The following CIBAR1 variants were observed in gnomAD, a reference collection of about 807,000 sequenced individuals.
CIBAR1 encodes CBY1-interacting BAR domain-containing protein 1.
In CIBAR1, 25 loss-of-function variants were observed where a neutral mutation model predicts 44.0. The ratio of observed to expected loss-of-function variants is 0.57; its 90% CI spans 0.41 to 0.79. CIBAR1 has a LOEUF of 0.79. Among genes scored for constraint, CIBAR1 ranks in the 30% least tolerant of loss-of-function variants. The probability of loss-of-function intolerance (pLI) is 0.00; values close to 1 mark genes in which losing one functional copy is unlikely to be tolerated. For synonymous variants in CIBAR1, 115 were observed against 119.0 expected, an observed-to-expected ratio of 0.97 and a Z score of 0.22; for missense variants, 278 against 344.8, an observed-to-expected ratio of 0.81 and a Z score of 1.53.
In CIBAR1 at chr8:93,730,881, G is replaced by C. The variant is rs989082297; in HGVS notation, c.*2584G>C. On this transcript the variant is annotated 3_prime_UTR_variant, in exon 9 of 9. Coordinates refer to ENST00000518322, the MANE Select transcript of CIBAR1 (RefSeq NM_145269.5). Reference sequence around the variant, plus strand: ...AATTTAAAAATCAAAATACAAGGCTGGGCACAGTGGCTCACACCTGTAATC... The same window carrying C: ...AATTTAAAAATCAAAATACAAGGCTCGGCACAGTGGCTCACACCTGTAATC... The C allele has an allele frequency of 2.6e-5, 4 of 152,158 alleles. No homozygotes were observed. Among genetic ancestry groups the C allele is most frequent in the Admixed American group, 2.0e-4 (3 of 15,268 alleles). The allele number at this position is 152,158 out of a possible 1,614,324, so 9.4% of individuals were successfully genotyped here.
Position 93,707,007 on chromosome 8 carries a change from C to G in CIBAR1, c.433-1004C>G, listed in dbSNP as rs191593125. ...ATCCCATGGCTCTGCCTGCTCACCC[C>G]CCAAGTAGGGCTCCAGGTGACTCCT... On this transcript the variant is annotated intron_variant, in intron 4 of 8. Transcript: ENST00000518322. 2.6e-5 allele frequency among the ~76,000 whole-genome samples: 4 copies of G among 152,280 alleles called. No homozygotes were observed. The East Asian group carries it at 5.8e-4, about 22-fold the overall frequency.
intron 2 of CIBAR1, 51 bp downstream of exon 2, chr8:93,701,509 G>C: frequency 2.7e-6 from 4 of 1,498,810 alleles, no homozygotes; most frequent in Non-Finnish European, 3.7e-6. Context: ...ATGAAGTAGT[G>C]GATGAAGGAA....
intron 2 of CIBAR1, chr8:93,702,423 C>A: frequency 7.3e-6 from 3 of 408,552 alleles, no homozygotes; most frequent in Non-Finnish European, 1.5e-5. Flanking sequence ...ATTTCAATGC[C>A]CCTTTGTAGA....
At chr8:93,709,917 T>C in intron 6 of CIBAR1, 42 bp downstream of exon 6, 2 of 1,229,466 alleles carry the variant, frequency 1.6e-6, no homozygotes, top group Non-Finnish European at 2.3e-6. Context: ...GTTTTTAACC[T>C]TTTTTTTTAC....
At chr8:93,707,199 T>C (rs1371506685) in intron 4 of CIBAR1, 1 of 424,712 alleles carries the variant, frequency 2.4e-6, no homozygotes. Flanking sequence ...TGGTATATTA[T>C]AGAATTTTGA....
chr8:93,726,665 T>A, intron 8 of CIBAR1, 152 bp downstream of exon 8: 1 of 804,272 alleles, frequency 1.2e-6, no homozygotes, highest in Non-Finnish European at 2.0e-6. Context: ...AAGATTGCAT[T>A]AAGTGCAGCT....
In CIBAR1 at chr8:93,703,786, C is replaced by T. The variant is rs566858633; in HGVS notation, c.330+98C>T. The T allele has an allele frequency of 4.3e-4, 437 of 1,013,354 alleles. 6 individuals carry two copies. The South Asian group carries it at 4.8e-3, about 11-fold the overall frequency. 62.8% of individuals were successfully genotyped at this position (1,013,354 alleles called of 1,614,324 possible). A position where few individuals can be genotyped will look rare whatever the true frequency, so the allele number is the denominator to read the frequency against. On this transcript the variant is annotated intron_variant, in intron 3 of 8. Transcript: ENST00000518322. Reference sequence around the variant, plus strand: ...TAAATAAGAAATACAAAGTAGTGGCCAAGAGTGGTGGCTCATGCCTGTAAT... The same window carrying T: ...TAAATAAGAAATACAAAGTAGTGGCTAAGAGTGGTGGCTCATGCCTGTAAT...
At chr8:93,717,480 A>T (rs1811077754) in intron 6 of CIBAR1, among the ~76,000 whole-genome samples, 1 of 152,180 alleles carries the variant, frequency 6.6e-6, no homozygotes, top group Non-Finnish European at 1.5e-5. Flanking sequence ...AATCATCGTT[A>T]CAAGTCTTTT....
intron 7 of CIBAR1, among the ~76,000 whole-genome samples, chr8:93,721,834 AGTGTT>A (rs1250105076): frequency 1.4e-5 from 2 of 147,510 alleles, no homozygotes; most frequent in East Asian, 4.1e-4. Flanking sequence ...AAAAAAAAAA[AGTGTT>A]GTGTGTGATG....
intron 7 of CIBAR1, among the ~76,000 whole-genome samples, chr8:93,723,783 A>T (rs957566454): frequency 2.6e-5 from 4 of 152,126 alleles, no homozygotes; most frequent in Non-Finnish European, 5.9e-5. Context: ...ACAACAGGGG[A>T]ATGCAGAAGA....
At chr8:93,724,497 A>T (rs540515881) in intron 7 of CIBAR1, 1 of 681,286 alleles carries the variant, frequency 1.5e-6, no homozygotes, top group Non-Finnish European at 2.3e-6. Context: ...GCTAATTTTC[A>T]TATTTTTTGT....
In CIBAR1 at chr8:93,703,661, T is replaced by C; in HGVS notation, c.303T>C (p.Thr101=). The change falls in exon 3 of 9, where the codon ACT becomes ACC. Residue 101 remains threonine, a synonymous_variant. Transcript: ENST00000518322. ...LEAKVVEPLK[T]YGTIVKMKRD... ...CCAAAGTAGTTGAACCCTTGAAAAC[T>C]TATGGGACCATTGTGAAAATGAAAC... The C allele has an allele frequency of 1.3e-6, 2 of 1,553,136 alleles. No homozygotes were observed. Among genetic ancestry groups the C allele is most frequent in the Middle Eastern group, 1.7e-4 (1 of 5,960 alleles).
chr8:93,728,183 A>G (rs776302333), intron 8 of CIBAR1, 22 bp from the exon 9 acceptor site: 1 of 1,447,342 alleles, frequency 6.9e-7, no homozygotes, highest in Non-Finnish European at 9.2e-7. Flanking sequence ...TTTATTTTAA[A>G]AAGTGTGTTA....
intron 6 of CIBAR1, among the ~76,000 whole-genome samples, chr8:93,712,003 T>C (rs186447949): frequency 2.0e-5 from 3 of 152,308 alleles, no homozygotes; most frequent in Admixed American, 2.0e-4. Flanking sequence ...AGCTTTTCTC[T>C]ATTGTGCCCC....
At chr8:93,725,849 G>A (rs1811468378) in intron 7 of CIBAR1, 1 of 153,102 alleles carries the variant, frequency 6.5e-6, no homozygotes, top group African/African-American at 2.4e-5. Flanking sequence ...GGTGGGGGTA[G>A]GGTAGAAAAG....
In CIBAR1 at chr8:93,701,552, T is replaced by G. The variant is rs369608050; in HGVS notation, c.261+94T>G. 3.5e-5 allele frequency: 35 copies of G among 1,009,396 alleles called. 1 individual carries two copies. Among genetic ancestry groups the G allele is most frequent in the South Asian group, 2.2e-4 (14 of 63,848 alleles). 62.5% of individuals were successfully genotyped at this position (1,009,396 alleles called of 1,614,324 possible). A position where few individuals can be genotyped will look rare whatever the true frequency, so the allele number is the denominator to read the frequency against. On this transcript the variant is annotated intron_variant, in intron 2 of 8. Transcript: ENST00000518322. ...AACTTTCACTTGTAATCTACCTAAC[T>G]GCAGAGGTGGATGCAAACTTGATAA...
Position 93,731,169 on chromosome 8 carries a change from TA to T in CIBAR1, c.*2876del, listed in dbSNP as rs1010877540. On this transcript the variant is annotated 3_prime_UTR_variant, in exon 9 of 9. Coordinates refer to ENST00000518322, the MANE Select transcript of CIBAR1 (RefSeq NM_145269.5). Reference sequence around the variant, plus strand: ...AACAAGACTCTGACTCTTAAAATAATAAAACTACAAAGCTTATGTTTACTCT... The same window carrying T: ...AACAAGACTCTGACTCTTAAAATAATAAACTACAAAGCTTATGTTTACTCT... 2.0e-5 allele frequency: 3 copies of T among 152,108 alleles called. No homozygotes were observed. Among genetic ancestry groups the T allele is most frequent in the African/African-American group, 7.2e-5 (3 of 41,414 alleles). 9.4% of individuals were successfully genotyped at this position (152,108 alleles called of 1,614,324 possible).
chr8:93,701,119 C>T, intron 1 of CIBAR1, 105 bp from the exon 2 acceptor site: 3 of 1,511,070 alleles, frequency 2.0e-6, no homozygotes, highest in Non-Finnish European at 2.7e-6. Context: ...GGGTTTACGC[C>T]TTCAAAGCTG....
At position 93,723,243 on chromosome 8, in the gene CIBAR1, G is replaced by A. The variant is rs183858888; in HGVS notation, c.658-3151G>A. Among the ~76,000 whole-genome samples the A allele has an allele frequency of 3.7e-3, 561 of 152,246 alleles. 3 individuals are homozygous for A. The highest frequency in any genetic ancestry group is 0.013 in the African/African-American group (547 of 41,552). ...GATCTCCTGACCTCATGATCCGCCC[G>A]CCTTGGCCTCCCAAAGTGCTGGGAC... On this transcript the variant is annotated intron_variant, in intron 7 of 8. Transcript: ENST00000518322.
Sources: gnomAD v4.1 joint callset for allele counts (sites outside exome capture counted in the v4.1 genomes callset) on GRCh38, gnomAD v4.1.1 for gene constraint, MANE v1.5 for transcripts, NCBI Gene and HGNC (gene_info 2026-07-23, HGNC 2026-07-21) for gene names.